Variants in IGF1 observed in about 807,000 individuals in gnomAD.
The protein encoded by IGF1 is insulin-like growth factor 1.
IGF1 carries 4 observed loss-of-function variants against 13.8 expected under a neutral mutation model. The observed-to-expected ratio is 0.29, with a 90% CI of 0.14 to 0.66. IGF1 has a LOEUF of 0.66. Among genes scored for constraint, IGF1 ranks in the 30% least tolerant of loss-of-function variants. The probability of loss-of-function intolerance (pLI) is 0.78; values close to 1 mark genes in which losing one functional copy is unlikely to be tolerated. For missense variants in IGF1, 124 were observed against 188.5 expected, an observed-to-expected ratio of 0.66 and a Z score of 2.00; for synonymous variants, 76 against 72.6, an observed-to-expected ratio of 1.05 and a Z score of -0.23.
At chr12:102,452,290 A>AG (rs1879030843) in intron 2 of IGF1, among the ~76,000 whole-genome samples, 1 of 147,924 alleles carries the variant, frequency 6.8e-6, no homozygotes, top group African/African-American at 2.5e-5. Flanking sequence ...AAAAAAAAAA[A>AG]GATATGTCTA....
intron 2 of IGF1, among the ~76,000 whole-genome samples, chr12:102,455,384 A>G (rs1339170297): frequency 6.6e-6 from 1 of 152,252 alleles, no homozygotes; most frequent in Non-Finnish European, 1.5e-5. Context: ...TAAGAATGTT[A>G]TATCTTTATA....
intron 2 of IGF1, chr12:102,463,323 C>T (rs1188058083): frequency 2.0e-5 from 3 of 152,262 alleles, no homozygotes; most frequent in South Asian, 2.1e-4. Context: ...ACTCAAACTA[C>T]GTAGGAAAAT....
chr12:102,436,824 G>T (rs1208895404), intron 2 of IGF1, among the ~76,000 whole-genome samples: 5 of 152,198 alleles, frequency 3.3e-5, no homozygotes, highest in African/African-American at 9.7e-5. Flanking sequence ...TACATAAGTG[G>T]CAGGAAGAAG....
chr12:102,413,010 A>G (rs898627889), intron 3 of IGF1, among the ~76,000 whole-genome samples: 1 of 152,226 alleles, frequency 6.6e-6, no homozygotes, highest in African/African-American at 2.4e-5. Context: ...TTCACCTTGC[A>G]GGTCTGGAAG....
intron 2 of IGF1, among the ~76,000 whole-genome samples, chr12:102,473,018 C>T (rs921293023): frequency 4.6e-5 from 7 of 152,078 alleles, no homozygotes; most frequent in African/African-American, 9.7e-5. Context: ...CCATTCTATT[C>T]GATTGGATTC....
At chr12:102,462,116 A>G (rs981622454) in intron 2 of IGF1, among the ~76,000 whole-genome samples, 4 of 152,188 alleles carry the variant, frequency 2.6e-5, no homozygotes, top group African/African-American at 7.2e-5. Context: ...CTCTATGTCT[A>G]TGTGTATTTT....
intron 3 of IGF1, 157 bp from the exon 4 acceptor site, chr12:102,402,723 G>A: frequency 1.5e-6 from 1 of 674,584 alleles, no homozygotes; most frequent in South Asian, 1.6e-5. Context: ...ATGTATAGGT[G>A]GACAGGCCCT....
At position 102,397,333 on chromosome 12, in the gene IGF1, G is replaced by A. The variant is rs1183678769; in HGVS notation, c.*5174C>T. The A allele has an allele frequency of 6.6e-6, 1 of 152,246 alleles. No individual in the cohort carries two copies. Among genetic ancestry groups the A allele is most frequent in the South Asian group, 2.1e-4 (1 of 4,818 alleles). The allele number at this position is 152,246 out of a possible 1,614,324, so 9.4% of individuals were successfully genotyped here. On this transcript the variant is annotated 3_prime_UTR_variant, in exon 4 of 4. Transcript: ENST00000337514. ...CAGATACTAAAATAATAAGGGCTGG[G>A]TTGGGATGGGGGCAGAATAAAGACA...
intron 2 of IGF1, among the ~76,000 whole-genome samples, chr12:102,420,528 C>T (rs1479160347): frequency 6.6e-6 from 1 of 152,016 alleles, no homozygotes; most frequent in Non-Finnish European, 1.5e-5. Context: ...TTCCAGGATC[C>T]TATGTGGTTT....
rs1422967419 is a variant in IGF1, at chr12:102,428,240, A to ATATATATATATGGCATAT, written c.221-8551_221-8550insATATGCCATATATATATA. On this transcript the variant is annotated intron_variant, in intron 2 of 3. Transcript: ENST00000337514. ...CCACTTTGTAATCAATAATGTGTAT[A>ATATATATATATGGCATAT]TATATATATGGCATATTAATGTTTC... is the stretch of plus-strand genomic sequence containing the variant. Among the ~76,000 whole-genome samples the ATATATATATATGGCATAT allele has an allele frequency of 1.5e-5, 2 of 136,784 alleles. 1 individual carries two copies. Among genetic ancestry groups the ATATATATATATGGCATAT allele is most frequent in the Non-Finnish European group, 3.2e-5 (2 of 61,922 alleles). The allele number at this position is 136,784 out of a possible 152,430, so 89.7% of individuals were successfully genotyped here.
chr12:102,456,762 ATTCC>A (rs1879439988), intron 2 of IGF1, among the ~76,000 whole-genome samples: 1 of 152,150 alleles, frequency 6.6e-6, no homozygotes, highest in Non-Finnish European at 1.5e-5. Context: ...TGCCCTTGTA[ATTCC>A]AGTCCACAGA....
intron 3 of IGF1, among the ~76,000 whole-genome samples, chr12:102,409,111 G>C (rs1436989953): frequency 6.6e-6 from 1 of 152,182 alleles, no homozygotes; most frequent in Non-Finnish European, 1.5e-5. Flanking sequence ...TGTGGGGTAA[G>C]AGCACCTACA....
upstream of IGF1, among the ~76,000 whole-genome samples, chr12:102,481,549 T>C (rs1345724164): frequency 2.0e-5 from 3 of 152,304 alleles, no homozygotes; most frequent in Non-Finnish European, 4.4e-5. Flanking sequence ...GCCAGCTGTT[T>C]TGCTATTTAT....
intron 1 of IGF1, among the ~76,000 whole-genome samples, chr12:102,477,934 C>G (rs1373515502): frequency 6.6e-6 from 1 of 151,310 alleles, no homozygotes; most frequent in Non-Finnish European, 1.5e-5. Flanking sequence ...TTAAGTGCAG[C>G]GATACATATA....
intron 3 of IGF1, among the ~76,000 whole-genome samples, chr12:102,414,420 T>G (rs1385032831): frequency 6.6e-6 from 1 of 152,116 alleles, no homozygotes; most frequent in East Asian, 1.9e-4. Flanking sequence ...TACTATTTAT[T>G]TATTATTTAA....
At chr12:102,444,653 G>A (rs1178201528) in intron 2 of IGF1, among the ~76,000 whole-genome samples, 2 of 151,998 alleles carry the variant, frequency 1.3e-5, no homozygotes, top group South Asian at 2.1e-4. Flanking sequence ...GCAGAACTAA[G>A]CTCAAGTCAA....
intron 2 of IGF1, among the ~76,000 whole-genome samples, chr12:102,462,425 G>A (rs541128884): frequency 6.6e-6 from 1 of 152,254 alleles, no homozygotes; most frequent in South Asian, 2.1e-4. Context: ...GTCTACTTCA[G>A]AACCAGCCAG....
rs1877647669 is a variant in IGF1 at position 102,440,774 on chromosome 12, AT to A, written c.221-21085del. Among the ~76,000 whole-genome samples, 3 of 152,150 alleles carry A rather than the reference AT, an allele frequency of 2.0e-5. No individual in the cohort carries two copies. In the South Asian group the frequency reaches 6.2e-4, roughly 32 times the overall value. ...CTCTTCAGCATGTCAGTTTCCCCGT[AT>A]TTAAGTGAGGCATTTGGGCCAGGAA... On this transcript the variant is annotated intron_variant, in intron 2 of 3. Coordinates refer to ENST00000337514, the MANE Select transcript of IGF1 (RefSeq NM_000618.5).
At chr12:102,405,850 C>T (rs903733890) in intron 3 of IGF1, among the ~76,000 whole-genome samples, 5 of 152,188 alleles carry the variant, frequency 3.3e-5, no homozygotes, top group African/African-American at 9.7e-5. Context: ...TTTAAATTAG[C>T]GGGGGGCTAT....
Sources: allele counts gnomAD v4.1 joint callset (sites outside exome capture counted in the v4.1 genomes callset), GRCh38; gene constraint gnomAD v4.1.1; transcripts MANE v1.5; gene names NCBI Gene and HGNC (gene_info 2026-07-23, HGNC 2026-07-21).